MBD5: variants seen among roughly 807,000 people sequenced by gnomAD.
MBD5 encodes the protein methyl-CpG-binding domain protein 5.
Under a neutral mutation model 117.3 loss-of-function variants are expected in MBD5, and 13 were observed. The ratio of observed to expected loss-of-function variants is 0.11; its 90% CI spans 0.07 to 0.18. The LOEUF (loss-of-function observed/expected upper bound fraction) is 0.18. MBD5 is among the 10% of genes least tolerant of loss of function. MBD5 has a pLI of 1.00. For missense variants in MBD5, 1,879 were observed against 2,093.8 expected (o/e 0.90, Z 2.00); for synonymous variants, 727 against 766.4 (o/e 0.95, Z 0.85).
chr2:148,480,285 A>C (rs1681109567), intron 8 of MBD5, among the ~76,000 whole-genome samples: 1 of 152,100 alleles, frequency 6.6e-6, no homozygotes, highest in African/African-American at 2.4e-5. Flanking sequence ...TAGAGCTTTT[A>C]TGTTATCCCA....
At chr2:148,445,117 C>G (rs1706448079) in intron 4 of MBD5, among the ~76,000 whole-genome samples, 1 of 151,028 alleles carries the variant, frequency 6.6e-6, no homozygotes, top group South Asian at 2.1e-4. Flanking sequence ...AAATCATTCC[C>G]TAGTTTTTCT....
chr2:148,297,818 T>A (rs1353362791), intron 3 of MBD5, among the ~76,000 whole-genome samples: 1 of 152,130 alleles, frequency 6.6e-6, no homozygotes, highest in African/African-American at 2.4e-5. Context: ...TTGCATACCA[T>A]CAGAATCTTC....
At chr2:148,078,332 T>G (rs1462488833) in intron 1 of MBD5, among the ~76,000 whole-genome samples, 1 of 152,140 alleles carries the variant, frequency 6.6e-6, no homozygotes, top group Non-Finnish European at 1.5e-5. Flanking sequence ...GATTCTGAGC[T>G]TATATACTAG....
rs978179634 is a variant in MBD5, at chr2:148,489,950, C to A, written c.4318C>A (p.Arg1440=). The A allele has an allele frequency of 5.6e-6, 9 of 1,613,676 alleles. No individual in the cohort carries two copies. Among genetic ancestry groups the A allele is most frequent in the African/African-American group, 1.3e-5 (1 of 74,816 alleles). The change falls in exon 11 of 14, where the codon CGA becomes AGA. Residue 1440 remains arginine (R), a synonymous_variant. Coordinates refer to ENST00000642680, the MANE Select transcript of MBD5 (RefSeq NM_001378120.1). ...WDGEQSPRGE[R]NRWKYEEFLD... ...CGGGGAGCAAAGCCCCAGAGGGGAGCGAAACAGGTGGAAGTACGAGGAATT... is the reference window on the plus strand; with the variant it reads ...CGGGGAGCAAAGCCCCAGAGGGGAGAGAAACAGGTGGAAGTACGAGGAATT...
At chr2:148,377,954 C>G (rs1406785562) in intron 4 of MBD5, among the ~76,000 whole-genome samples, 1 of 152,118 alleles carries the variant, frequency 6.6e-6, no homozygotes, top group Non-Finnish European at 1.5e-5. Context: ...ATAAAAGTAT[C>G]CATTTTGTCT....
chr2:148,222,489 A>T (rs1275171368), intron 2 of MBD5, among the ~76,000 whole-genome samples: 1 of 151,952 alleles, frequency 6.6e-6, no homozygotes, highest in Non-Finnish European at 1.5e-5. Flanking sequence ...TCTTTCATTA[A>T]GTTAATTCCT....
At chr2:148,326,586 A>T (rs983095126) in intron 3 of MBD5, among the ~76,000 whole-genome samples, 39 of 152,214 alleles carry the variant, frequency 2.6e-4, no homozygotes, top group Admixed American at 1.8e-3. Context: ...TTTACCATTG[A>T]GTAATGGCCT....
chr2:148,271,211 T>C (rs1700978506), intron 3 of MBD5, among the ~76,000 whole-genome samples: 1 of 152,204 alleles, frequency 6.6e-6, no homozygotes, highest in South Asian at 2.1e-4. Context: ...CTAGTTTTAT[T>C]ACCCTATGAT....
At chr2:148,053,037 G>C (rs1375428934) in intron 1 of MBD5, among the ~76,000 whole-genome samples, 1 of 149,568 alleles carries the variant, frequency 6.7e-6, no homozygotes, top group Non-Finnish European at 1.5e-5. Flanking sequence ...ATGTCTATTA[G>C]TTTCTAGGAT....
intron 2 of MBD5, among the ~76,000 whole-genome samples, chr2:148,184,842 G>T (rs1360504433): frequency 6.6e-6 from 1 of 152,138 alleles, no homozygotes; most frequent in East Asian, 1.9e-4. Context: ...CAGGCTACTT[G>T]AGAAATCAGT....
At chr2:148,333,847 G>C (rs961841271) in intron 3 of MBD5, among the ~76,000 whole-genome samples, 3 of 151,452 alleles carry the variant, frequency 2.0e-5, no homozygotes, top group Non-Finnish European at 4.4e-5. Flanking sequence ...AACAGAGCAA[G>C]ACCCCATCTC....
intron 4 of MBD5, among the ~76,000 whole-genome samples, chr2:148,359,038 G>A (rs1165930371): frequency 6.6e-6 from 1 of 151,970 alleles, no homozygotes; most frequent in Non-Finnish European, 1.5e-5. Context: ...GAGGCACATG[G>A]ATCACCTGAG....
intron 3 of MBD5, among the ~76,000 whole-genome samples, chr2:148,294,509 T>TTTTTTGTTTTTTGTTTTTTTTGTTTG (rs750245317): frequency 5.4e-5 from 7 of 129,984 alleles, no homozygotes; most frequent in Non-Finnish European, 9.9e-5. Flanking sequence ...CAGTTTTTTT[T>TTTTTTGTTTTTTGTTTTTTTTGTTTG]TTTTTTTTTT....
chr2:148,391,149 T>A (rs1004474469), intron 4 of MBD5, among the ~76,000 whole-genome samples: 1 of 152,108 alleles, frequency 6.6e-6, no homozygotes, highest in African/African-American at 2.4e-5. Flanking sequence ...GAGAAGAAAA[T>A]GTCCTGAGGT....
At chr2:148,168,454 A>G (rs1461054558) in intron 1 of MBD5, among the ~76,000 whole-genome samples, 1 of 152,214 alleles carries the variant, frequency 6.6e-6, no homozygotes, top group East Asian at 1.9e-4. Flanking sequence ...ATGATATTTG[A>G]GAAAAGTAAA....
At chr2:148,328,789 A>T (rs939699581) in intron 3 of MBD5, among the ~76,000 whole-genome samples, 11 of 152,172 alleles carry the variant, frequency 7.2e-5, no homozygotes, top group African/African-American at 2.7e-4. Flanking sequence ...GAAATGCAGA[A>T]ATCACCCGTC....
At chr2:148,309,080 A>G (rs186589571) in intron 3 of MBD5, among the ~76,000 whole-genome samples, 108 of 152,162 alleles carry the variant, frequency 7.1e-4, no homozygotes, top group Non-Finnish European at 1.2e-3. Flanking sequence ...TTTGAAGTCA[A>G]GTAGCATGAT....
At chr2:148,073,276 G>A in intron 1 of MBD5, among the ~76,000 whole-genome samples, 2 of 152,220 alleles carry the variant, frequency 1.3e-5, no homozygotes, top group South Asian at 4.2e-4. Context: ...TTTGGGGTAG[G>A]GGGTAGCAGG....
In MBD5 at chr2:148,449,298, G is replaced by A. The variant is rs555221053; in HGVS notation, c.-556-8905G>A. On this transcript the variant is annotated intron_variant, in intron 4 of 13. Coordinates refer to ENST00000642680, the MANE Select transcript of MBD5 (RefSeq NM_001378120.1). ...CCCACCTCCTTATGTATTTTCAAAG[G>A]CACAAAGTGAAGCTTTAACCTGAAC... 7.2e-5 allele frequency among the ~76,000 whole-genome samples: 11 copies of A among 152,078 alleles called. No homozygotes were observed. In the South Asian group the frequency reaches 1.9e-3, roughly 26 times the overall value.
Sources: gnomAD v4.1 joint callset for allele counts (sites outside exome capture counted in the v4.1 genomes callset) on GRCh38, gnomAD v4.1.1 for gene constraint, MANE v1.5 for transcripts, NCBI Gene and HGNC (gene_info 2026-07-23, HGNC 2026-07-21) for gene names.